Variants in OSBPL10 observed in about 807,000 individuals in gnomAD.
The protein encoded by OSBPL10 is oxysterol binding protein like 10.
In OSBPL10, 49 loss-of-function variants were observed where a neutral mutation model predicts 81.7. The observed-to-expected ratio is 0.60, with a 90% CI of 0.48 to 0.76. The LOEUF (loss-of-function observed/expected upper bound fraction) is 0.76. Among genes scored for constraint, OSBPL10 ranks in the 30% least tolerant of loss-of-function variants. OSBPL10 has a pLI of 0.00. For synonymous variants in OSBPL10, 419 were observed against 383.6 expected (o/e 1.09, Z -1.08); for missense variants, 923 against 987.8 (o/e 0.93, Z 0.88).
chr3:32,027,229 T>C (rs1455156309), intron 2 of OSBPL10, among the ~76,000 whole-genome samples: 8 of 152,104 alleles, frequency 5.3e-5, no homozygotes, highest in Non-Finnish European at 1.0e-4. Context: ...CCTCCCTGTG[T>C]CCATGTGTTC....
intron 1 of OSBPL10, among the ~76,000 whole-genome samples, chr3:31,947,465 C>T (rs1028613544): frequency 6.6e-6 from 1 of 152,112 alleles, no homozygotes; most frequent in African/African-American, 2.4e-5. Flanking sequence ...CTGCCTATAG[C>T]GAGTGTCCAA....
intron 3 of OSBPL10, among the ~76,000 whole-genome samples, chr3:31,859,355 C>T (rs77833406): frequency 0.042 from 6,342 of 152,252 alleles, 239 homozygotes; most frequent in South Asian, 0.095. Context: ...CCAGGGAGGG[C>T]GTAGAAGTTC....
chr3:31,670,566 C>T (rs751190274), intron 9 of OSBPL10, among the ~76,000 whole-genome samples: 15 of 152,224 alleles, frequency 9.9e-5, no homozygotes, highest in Admixed American at 2.0e-4. Flanking sequence ...TATTTTCTGG[C>T]GTGTGCTCTG....
At chr3:31,876,791 C>T (rs1701484303) in intron 2 of OSBPL10, among the ~76,000 whole-genome samples, 1 of 151,908 alleles carries the variant, frequency 6.6e-6, no homozygotes, top group Non-Finnish European at 1.5e-5. Context: ...TTAGCCTCCT[C>T]TGAAAAAAGT....
At chr3:31,875,077 T>C (rs1204702079) in intron 3 of OSBPL10, among the ~76,000 whole-genome samples, 2 of 96,596 alleles carry the variant, frequency 2.1e-5, no homozygotes, top group Admixed American at 9.5e-5. Context: ...CCAAAATATA[T>C]TAAGTAAAAA....
intron 2 of OSBPL10, among the ~76,000 whole-genome samples, chr3:32,015,487 C>G (rs1022796996): frequency 1.4e-4 from 21 of 152,242 alleles, no homozygotes; most frequent in Admixed American, 1.2e-3. Context: ...GACCTAAAAC[C>G]ATAAAAACTC....
chr3:32,056,006 C>T (rs1699708688), intron 1 of OSBPL10, among the ~76,000 whole-genome samples: 1 of 152,086 alleles, frequency 6.6e-6, no homozygotes, highest in Non-Finnish European at 1.5e-5. Context: ...TTAAAAAGAG[C>T]CTATGTGACA....
chr3:31,886,323 G>A (rs1695734943), intron 1 of OSBPL10, among the ~76,000 whole-genome samples: 1 of 152,060 alleles, frequency 6.6e-6, no homozygotes, highest in African/African-American at 2.4e-5. Flanking sequence ...TTACCAAGAG[G>A]GGCTCAGGCT....
intron 7 of OSBPL10, among the ~76,000 whole-genome samples, chr3:31,689,589 C>T (rs1256946685): frequency 3.3e-5 from 5 of 152,098 alleles, no homozygotes; most frequent in Admixed American, 1.3e-4. Flanking sequence ...CCCACAATTC[C>T]CACGTGTCGT....
chr3:31,980,865 C>A (rs1247021240), intron 1 of OSBPL10, 34 bp downstream of exon 1: 5 of 1,529,524 alleles, frequency 3.3e-6, no homozygotes, highest in Non-Finnish European at 4.4e-6. Context: ...ACACACACAG[C>A]GGCGCGCGGT....
At chr3:31,847,278 C>A (rs1049146539) in intron 3 of OSBPL10, among the ~76,000 whole-genome samples, 1 of 151,902 alleles carries the variant, frequency 6.6e-6, no homozygotes, top group Non-Finnish European at 1.5e-5. Flanking sequence ...CTCACTGCAG[C>A]CTCGGTCTCC....
chr3:31,788,775 C>G (rs1298130394), intron 4 of OSBPL10, among the ~76,000 whole-genome samples: 1 of 150,420 alleles, frequency 6.6e-6, no homozygotes, highest in Admixed American at 6.6e-5. Context: ...GAGACCTTGC[C>G]TCTAAAAAAA....
At chr3:31,804,955 G>A (rs576928548) in intron 4 of OSBPL10, among the ~76,000 whole-genome samples, 1 of 152,172 alleles carries the variant, frequency 6.6e-6, no homozygotes, top group East Asian at 1.9e-4. Flanking sequence ...CTGTCTCCAA[G>A]GGAGCATGTT....
At chr3:31,675,940 C>T (rs1203890955) in intron 8 of OSBPL10, among the ~76,000 whole-genome samples, 1 of 120,264 alleles carries the variant, frequency 8.3e-6, no homozygotes, top group Non-Finnish European at 1.6e-5. Context: ...AGCGAGACTC[C>T]ATCTCAAAAA....
chr3:31,847,205 T>G (rs573482576), intron 3 of OSBPL10, among the ~76,000 whole-genome samples: 5 of 147,566 alleles, frequency 3.4e-5, no homozygotes, highest in Admixed American at 3.3e-4. Flanking sequence ...TTTTTTTTTT[T>G]TTTTTTAAAA....
intron 6 of OSBPL10, among the ~76,000 whole-genome samples, chr3:31,705,824 T>C (rs977719729): frequency 6.6e-6 from 1 of 152,102 alleles, no homozygotes. Flanking sequence ...CTCAAGGTCA[T>C]CAAAAATGGC....
intron 6 of OSBPL10, among the ~76,000 whole-genome samples, chr3:31,722,182 A>G (rs1208676929): frequency 6.6e-6 from 1 of 152,242 alleles, no homozygotes; most frequent in East Asian, 1.9e-4. Context: ...CCAAATTATC[A>G]AAAACAGAAT....
intron 6 of OSBPL10, among the ~76,000 whole-genome samples, chr3:31,719,925 C>T (rs1467285177): frequency 2.0e-5 from 3 of 151,662 alleles, no homozygotes; most frequent in Non-Finnish European, 4.4e-5. Flanking sequence ...CAAAAGAATG[C>T]AAACAATCTC....
rs182400287 is a variant in OSBPL10, at chr3:31,808,227, T to C, written c.729+21813A>G. ...TCATCCCAGCAGGTTTGACAGGAGG[T>C]TGGAGGGAAAGGGGGAGAAAGGACG... is the stretch of plus-strand genomic sequence containing the variant. On this transcript the variant is annotated intron_variant, in intron 4 of 11. Coordinates refer to ENST00000396556, the MANE Select transcript of OSBPL10 (RefSeq NM_017784.5). Among the ~76,000 whole-genome samples, 315 of 151,880 alleles carry C rather than the reference T, an allele frequency of 2.1e-3. 2 individuals carry two copies. The highest frequency in any genetic ancestry group is 0.014 in the Middle Eastern group (4 of 294).
Sources: gnomAD v4.1 joint callset for allele counts (sites outside exome capture counted in the v4.1 genomes callset) on GRCh38, gnomAD v4.1.1 for gene constraint, MANE v1.5 for transcripts, NCBI Gene and HGNC (gene_info 2026-07-23, HGNC 2026-07-21) for gene names.